Variants in PRKAR1B observed in about 807,000 individuals in gnomAD.
The protein encoded by PRKAR1B is cAMP-dependent protein kinase type I-beta regulatory subunit.
In PRKAR1B, 22 loss-of-function variants were observed where a neutral mutation model predicts 46.5. That is an observed-to-expected ratio of 0.47 (90% CI 0.34 to 0.68). PRKAR1B has a LOEUF of 0.68. Ranked by LOEUF, PRKAR1B falls within the 30% of genes least tolerant of loss-of-function variation. The probability of loss-of-function intolerance (pLI) is 0.01; values close to 1 mark genes in which losing one functional copy is unlikely to be tolerated. For missense variants in PRKAR1B, 445 were observed against 535.6 expected, an observed-to-expected ratio of 0.83 and a Z score of 1.67; for synonymous variants, 259 against 217.7, an observed-to-expected ratio of 1.19 and a Z score of -1.67.
At chr7:613,910 G>A (rs796354763) in intron 4 of PRKAR1B, among the ~76,000 whole-genome samples, 32 of 152,346 alleles carry the variant, frequency 2.1e-4, no homozygotes, top group African/African-American at 5.8e-4. Flanking sequence ...GGAAGCCTGC[G>A]GAGCCAAGAG....
At chr7:607,495 G>T (rs749324714) in intron 4 of PRKAR1B, 43 bp from the exon 5 acceptor site, 3 of 1,553,576 alleles carry the variant, frequency 1.9e-6, no homozygotes, top group East Asian at 2.2e-5. Context: ...AGGCAGCACA[G>T]GGACATTTAA....
rs34450373 is a variant in PRKAR1B at position 571,077 on chromosome 7, C to T, written c.891+8179G>A. On this transcript the variant is annotated intron_variant, in intron 9 of 10. Coordinates refer to ENST00000537384, the MANE Select transcript of PRKAR1B (RefSeq NM_001164760.2). ...TGTATGGCTTAGGCCCCTGTGGCTC[C>T]GGCACTCCAGCAGAGCCTCCTCCAG... Among the ~76,000 whole-genome samples the T allele has an allele frequency of 6.4e-3, 975 of 152,318 alleles. 3 individuals carry two copies. Among genetic ancestry groups the T allele is most frequent in the Middle Eastern group, 0.017 (5 of 294 alleles).
At chr7:583,852 C>A (rs972942450) in intron 8 of PRKAR1B, among the ~76,000 whole-genome samples, 2 of 152,174 alleles carry the variant, frequency 1.3e-5, no homozygotes, top group East Asian at 1.9e-4. Flanking sequence ...ACACTCACCC[C>A]CACACACCTG....
At chr7:696,025 G>C (rs756427744) in intron 2 of PRKAR1B, among the ~76,000 whole-genome samples, 1 of 138,146 alleles carries the variant, frequency 7.2e-6, no homozygotes, top group South Asian at 2.4e-4. Context: ...CTGGAGTATA[G>C]TGGCGTGACC....
intron 9 of PRKAR1B, among the ~76,000 whole-genome samples, chr7:567,722 C>G (rs946103440): frequency 2.0e-5 from 3 of 152,224 alleles, no homozygotes; most frequent in African/African-American, 7.2e-5. Flanking sequence ...CACCTGCTAG[C>G]TACAACATGG....
intron 9 of PRKAR1B, among the ~76,000 whole-genome samples, chr7:556,049 GC>G (rs1322690905): frequency 6.6e-6 from 1 of 152,084 alleles, no homozygotes; most frequent in Non-Finnish European, 1.5e-5. Context: ...TCTTGCATAT[GC>G]CCCGGGAGTG....
chr7:571,455 C>T (rs1456406061), intron 9 of PRKAR1B, among the ~76,000 whole-genome samples: 1 of 152,208 alleles, frequency 6.6e-6, no homozygotes, highest in African/African-American at 2.4e-5. Flanking sequence ...TCTGATGAGC[C>T]AGGAAAAGTT....
chr7:680,590 T>C lies in PRKAR1B; in HGVS notation c.314A>G (p.Tyr105Cys), dbSNP rs1422815556. Residue 105 changes from tyrosine to cysteine, a missense_variant, in exon 3 of 11, where the codon TAC becomes TGC. This residue lies in a region of PRKAR1B where 94 missense variants were observed against 126.9 expected (regional missense o/e 0.74). Coordinates refer to ENST00000537384, the MANE Select transcript of PRKAR1B (RefSeq NM_001164760.2). ...GTAGGACACGGCGTCCTCCTCGGTGTACACCTCGGCACTCACGCCTCCTCG... is the reference window on the plus strand; with the variant it reads ...GTAGGACACGGCGTCCTCCTCGGTGCACACCTCGGCACTCACGCCTCCTCG... Reference protein sequence around the residue: ...RRRGGVSAEVYTEEDAVSYVR... With the variant: ...RRRGGVSAEVCTEEDAVSYVR... 2.5e-6 allele frequency: 4 copies of C among 1,610,604 alleles called. No homozygotes were observed. The highest frequency in any genetic ancestry group is 3.4e-6 in the Non-Finnish European group (4 of 1,178,808).
At chr7:556,462 G>A (rs1370974963) in intron 9 of PRKAR1B, among the ~76,000 whole-genome samples, 4 of 152,300 alleles carry the variant, frequency 2.6e-5, no homozygotes, top group East Asian at 1.9e-4. Context: ...GTCCAGGAAC[G>A]GAGTCACATA....
chr7:590,020 C>T (rs1780886100), intron 7 of PRKAR1B, among the ~76,000 whole-genome samples: 1 of 152,262 alleles, frequency 6.6e-6, no homozygotes, highest in Non-Finnish European at 1.5e-5. Flanking sequence ...GAATCTGCTG[C>T]AGGGAGAGGG....
At chr7:717,762 C>T (rs1358285664) in intron 1 of PRKAR1B, among the ~76,000 whole-genome samples, 1 of 152,122 alleles carries the variant, frequency 6.6e-6, no homozygotes, top group African/African-American at 2.4e-5. Context: ...TGCCACAAAC[C>T]TCAATAGTCT....
At chr7:554,163 G>A (rs899080491) in intron 9 of PRKAR1B, among the ~76,000 whole-genome samples, 6 of 152,240 alleles carry the variant, frequency 3.9e-5, no homozygotes, top group African/African-American at 1.4e-4. Flanking sequence ...TGAAACTCCT[G>A]GGCTCTGAAG....
intron 4 of PRKAR1B, among the ~76,000 whole-genome samples, chr7:609,158 C>T (rs1782329611): frequency 1.3e-5 from 2 of 152,162 alleles, no homozygotes; most frequent in African/African-American, 4.8e-5. Context: ...GGGCACCTGG[C>T]CCCGGTGGGG....
At chr7:619,087 G>A (rs1782980049) in intron 4 of PRKAR1B, among the ~76,000 whole-genome samples, 1 of 152,178 alleles carries the variant, frequency 6.6e-6, no homozygotes, top group Non-Finnish European at 1.5e-5. Flanking sequence ...GAGTAGGGTT[G>A]GCCCTAACTC....
upstream of PRKAR1B, among the ~76,000 whole-genome samples, chr7:728,439 T>A (rs1422950083): frequency 1.3e-5 from 2 of 152,162 alleles, no homozygotes; most frequent in East Asian, 3.8e-4. Context: ...TCACTGCAGC[T>A]GCGTGGAGAA....
intron 9 of PRKAR1B, among the ~76,000 whole-genome samples, chr7:572,457 C>T (rs1372470392): frequency 6.6e-6 from 1 of 152,172 alleles, no homozygotes; most frequent in Non-Finnish European, 1.5e-5. Flanking sequence ...GGGGTTCCTG[C>T]AGCCTGGCCC....
intron 2 of PRKAR1B, among the ~76,000 whole-genome samples, chr7:695,703 G>T (rs191390700): frequency 2.6e-5 from 4 of 151,342 alleles, no homozygotes; most frequent in African/African-American, 7.3e-5. Context: ...TCGCTCTGTC[G>T]CCCAGGCTGG....
intron 9 of PRKAR1B, among the ~76,000 whole-genome samples, chr7:578,578 T>C (rs1779991854): frequency 6.6e-6 from 1 of 152,174 alleles, no homozygotes; most frequent in African/African-American, 2.4e-5. Flanking sequence ...TGCCACGCCA[T>C]GGCCGGGATG....
chr7:604,466 G>C (rs1473063101), intron 6 of PRKAR1B, among the ~76,000 whole-genome samples: 2 of 152,224 alleles, frequency 1.3e-5, no homozygotes, highest in East Asian at 3.9e-4. Flanking sequence ...CTGCCCCAGA[G>C]GCCCTGTCTA....
Sources: allele counts gnomAD v4.1 joint callset (sites outside exome capture counted in the v4.1 genomes callset), GRCh38; gene constraint gnomAD v4.1.1; regional missense constraint gnomAD v4.1.1; transcripts MANE v1.5; gene names NCBI Gene and HGNC (gene_info 2026-07-23, HGNC 2026-07-21).